The following KIRREL3 variants were observed in gnomAD, a reference collection of about 807,000 sequenced individuals.
KIRREL3 encodes the protein kirre like nephrin family adhesion molecule 3.
KIRREL3 carries 36 observed loss-of-function variants against 89.7 expected under a neutral mutation model. The observed-to-expected ratio is 0.40, with a 90% CI of 0.31 to 0.53. KIRREL3 has a LOEUF of 0.53. KIRREL3 is among the 20% of genes least tolerant of loss of function. The pLI is 0.49. For missense variants in KIRREL3, 864 were observed against 1,056.6 expected, an observed-to-expected ratio of 0.82 and a Z score of 2.53; for synonymous variants, 445 against 441.4, an observed-to-expected ratio of 1.01 and a Z score of -0.10.
intron 1 of KIRREL3, among the ~76,000 whole-genome samples, chr11:126,846,719 A>C (rs2134545944): frequency 6.6e-6 from 1 of 152,328 alleles, no homozygotes; most frequent in South Asian, 2.1e-4. Flanking sequence ...GTATAAAGAA[A>C]GTAAAATGCA....
chr11:126,560,750 A>G (rs1277521912), intron 2 of KIRREL3, among the ~76,000 whole-genome samples: 1 of 152,262 alleles, frequency 6.6e-6, no homozygotes, highest in African/African-American at 2.4e-5. Context: ...TAAATGGGAA[A>G]TACAATGATC....
intron 1 of KIRREL3, among the ~76,000 whole-genome samples, chr11:126,988,866 G>A (rs1432713602): frequency 2.0e-5 from 3 of 152,184 alleles, no homozygotes; most frequent in Non-Finnish European, 4.4e-5. Context: ...CGGGGGTAGA[G>A]AAACATGCTG....
intron 1 of KIRREL3, among the ~76,000 whole-genome samples, chr11:126,863,356 A>AGTGTGTGTTTGAGTGCGT (rs796959694): frequency 0.039 from 4,120 of 104,536 alleles, 97 homozygotes; most frequent in South Asian, 0.069. Context: ...GGTGCATGTG[A>AGTGTGTGTTTGAGTGCGT]GTGTGTGTTT....
rs552850074 is a variant in KIRREL3, at chr11:126,566,219, G to C, written c.56-3307C>G. Among the ~76,000 whole-genome samples the C allele has an allele frequency of 1.3e-5, 2 of 152,174 alleles. No individual in the cohort carries two copies. Among genetic ancestry groups the C allele is most frequent in the Admixed American group, 6.5e-5 (1 of 15,286 alleles). On this transcript the variant is annotated intron_variant, in intron 1 of 16. Transcript: ENST00000525144. The surrounding 1 kb of genome is among the most constrained non-coding windows in gnomAD (Gnocchi z 4.9). The stretch of plus-strand genomic sequence containing the variant: ...GGAAGTCCAGGGTCACCTGCAGATG[G>C]GGCAGTGGAGGGCACTGTCCCAGGA...
At chr11:126,479,255 T>A (rs1343613690) in intron 4 of KIRREL3, among the ~76,000 whole-genome samples, 1 of 152,128 alleles carries the variant, frequency 6.6e-6, no homozygotes, top group Non-Finnish European at 1.5e-5. Context: ...ATCTTCTCCA[T>A]CCCCAGGTTC....
In KIRREL3 at chr11:126,684,855, G is replaced by A. The variant is rs1194334162; in HGVS notation, c.56-121943C>T. Among the ~76,000 whole-genome samples the A allele has an allele frequency of 6.6e-6, 1 of 152,154 alleles. No individual in the cohort carries two copies. The highest frequency in any genetic ancestry group is 1.5e-5 in the Non-Finnish European group (1 of 68,026). ...AGTGTTGGCTTGGACCACAGCGGGA[G>A]GGACCTGGGAAGAGGGAGAAGTTGA... On this transcript the variant is annotated intron_variant, in intron 1 of 16. Coordinates refer to ENST00000525144, the MANE Select transcript of KIRREL3 (RefSeq NM_032531.4). This position sits in a 1 kb window ranked among gnomAD's most constrained non-coding sequence, Gnocchi z 4.2.
At chr11:126,472,272 A>G (rs1196335459) in intron 5 of KIRREL3, among the ~76,000 whole-genome samples, 2 of 152,198 alleles carry the variant, frequency 1.3e-5, no homozygotes. Flanking sequence ...AACAAGATAT[A>G]TAAACTGGGC....
chr11:126,543,311 G>A (rs79009159), intron 2 of KIRREL3, among the ~76,000 whole-genome samples: 16,036 of 152,198 alleles, frequency 0.11, 1,003 homozygotes, highest in Admixed American at 0.16. Context: ...TGCCGGAGAC[G>A]CCCAGCCTAG....
At chr11:126,927,230 AC>A (rs1947757251) in intron 1 of KIRREL3, among the ~76,000 whole-genome samples, 1 of 24,232 alleles carries the variant, frequency 4.1e-5, no homozygotes, top group South Asian at 1.1e-3. Context: ...GGGAGTAAGC[AC>A]ACACACACAC....
chr11:126,725,727 G>A (rs1365860475), intron 1 of KIRREL3, among the ~76,000 whole-genome samples: 3 of 152,178 alleles, frequency 2.0e-5, no homozygotes, highest in East Asian at 1.9e-4. Context: ...GTGGATGTGC[G>A]GGGCTGGTGG....
chr11:126,692,105 C>A (rs1387225323), intron 1 of KIRREL3, among the ~76,000 whole-genome samples: 1 of 152,162 alleles, frequency 6.6e-6, no homozygotes, highest in African/African-American at 2.4e-5. Flanking sequence ...ATGGATAACA[C>A]AATGAAGGTT....
chr11:126,549,691 G>C (rs894334935), intron 2 of KIRREL3: 1 of 152,228 alleles, frequency 6.6e-6, no homozygotes, highest in South Asian at 2.1e-4. Context: ...AAGAAAGGAG[G>C]CCTCCCCGGT....
chr11:126,568,239 G>C lies in KIRREL3; in HGVS notation c.56-5327C>G, dbSNP rs556406867. Among the ~76,000 whole-genome samples the C allele has an allele frequency of 6.6e-6, 1 of 150,606 alleles. No individual in the cohort carries two copies. The highest frequency in any genetic ancestry group is 1.5e-5 in the Non-Finnish European group (1 of 67,168). ...CACGCAGAATGCTAGGCAGGGGAAA[G>C]ACAGGTGAGACTTGCATTTCATAAA... is the stretch of plus-strand genomic sequence containing the variant. On this transcript the variant is annotated intron_variant, in intron 1 of 16. Coordinates refer to ENST00000525144, the MANE Select transcript of KIRREL3 (RefSeq NM_032531.4). This position sits in a 1 kb window ranked among gnomAD's most constrained non-coding sequence, Gnocchi z 4.6.
intron 1 of KIRREL3, among the ~76,000 whole-genome samples, chr11:126,923,200 TC>T (rs1565423361): frequency 0.079 from 526 of 6,636 alleles, 143 homozygotes; most frequent in South Asian, 0.18. Flanking sequence ...TTCTTCTTCT[TC>T]TTCTTCTTCT....
At chr11:126,467,474 AG>A (rs1161868738) in intron 5 of KIRREL3, among the ~76,000 whole-genome samples, 1 of 152,086 alleles carries the variant, frequency 6.6e-6, no homozygotes, top group African/African-American at 2.4e-5. Context: ...GGTGGGCTGG[AG>A]GGCAGACAAG....
rs939530 is a variant in KIRREL3 at position 126,782,431 on chromosome 11, C to T, written c.55+218024G>A. Reference sequence around the variant, plus strand: ...GACTAGGTTTGGGTATTAGAGAAGACGAGGGAGAAAGTACAGGCTCTTGAA... The same window carrying T: ...GACTAGGTTTGGGTATTAGAGAAGATGAGGGAGAAAGTACAGGCTCTTGAA... On this transcript the variant is annotated intron_variant, in intron 1 of 16. Coordinates refer to ENST00000525144, the MANE Select transcript of KIRREL3 (RefSeq NM_032531.4). The surrounding 1 kb of genome is among the most constrained non-coding windows in gnomAD (Gnocchi z 4.1). Among the ~76,000 whole-genome samples the T allele has an allele frequency of 0.33, 50,590 of 152,048 alleles. 9,664 individuals are homozygous for T. Among genetic ancestry groups the T allele is most frequent in the African/African-American group, 0.52 (21,410 of 41,454 alleles).
intron 11 of KIRREL3, chr11:126,440,160 A>G (rs1344690436): frequency 1.6e-6 from 1 of 641,564 alleles, no homozygotes; most frequent in East Asian, 3.1e-5. Context: ...TCTCTCCACT[A>G]CCCTCGTGTG....
rs1948520496 is a variant in KIRREL3 at position 126,943,432 on chromosome 11, A to T, written c.55+57023T>A. Among the ~76,000 whole-genome samples the T allele has an allele frequency of 6.6e-6, 1 of 152,236 alleles. No homozygotes were observed. Among genetic ancestry groups the T allele is most frequent in the East Asian group, 1.9e-4 (1 of 5,200 alleles). ...GACATCATCAAAAGAAGTTCCCTTT[A>T]TAGATTGCATTGTACAAATAGAATT... is the stretch of plus-strand genomic sequence containing the variant. On this transcript the variant is annotated intron_variant, in intron 1 of 16. Transcript: ENST00000525144. This position sits in a 1 kb window ranked among gnomAD's most constrained non-coding sequence, Gnocchi z 4.2.
rs1950829842 is a variant in KIRREL3 at position 126,796,894 on chromosome 11, GC to G, written c.55+203560del. Among the ~76,000 whole-genome samples, 1 of 152,278 alleles carries G rather than the reference GC, an allele frequency of 6.6e-6. No individual in the cohort carries two copies. Among genetic ancestry groups the G allele is most frequent in the East Asian group, 1.9e-4 (1 of 5,172 alleles). On this transcript the variant is annotated intron_variant, in intron 1 of 16. Coordinates refer to ENST00000525144, the MANE Select transcript of KIRREL3 (RefSeq NM_032531.4). The surrounding 1 kb of genome is among the most constrained non-coding windows in gnomAD (Gnocchi z 5.1). ...ACATGAAAATCTGATTGTTGGCAGA[GC>G]CCTCGGACTTAGAAAAAGATCTGCC...
Sources: gnomAD v4.1 joint callset for allele counts (sites outside exome capture counted in the v4.1 genomes callset) on GRCh38, gnomAD v4.1.1 for gene constraint, Gnocchi (gnomAD v3.1) non-coding constraint, MANE v1.5 for transcripts, NCBI Gene and HGNC (gene_info 2026-07-23, HGNC 2026-07-21) for gene names.